Variants in SLC25A22 observed in about 807,000 individuals in gnomAD.
SLC25A22 encodes mitochondrial glutamate carrier 1.
A neutral mutation model predicts 33.7 loss-of-function variants in SLC25A22; 23 were observed. The observed-to-expected ratio is 0.68, with a 90% CI of 0.49 to 0.97. The LOEUF (loss-of-function observed/expected upper bound fraction) is 0.97. Among genes scored for constraint, SLC25A22 ranks in the 50% least tolerant of loss-of-function variants. The probability of loss-of-function intolerance (pLI) is 0.00; values close to 1 mark genes in which losing one functional copy is unlikely to be tolerated. For synonymous variants in SLC25A22, 245 were observed against 203.8 expected (o/e 1.20, Z -1.72); for missense variants, 390 against 451.1 (o/e 0.86, Z 1.23).
Position 795,060 on chromosome 11 carries a change from G to C in SLC25A22, c.-54C>G. 5 of 1,549,768 alleles carry C rather than the reference G, an allele frequency of 3.2e-6. No individual in the cohort carries two copies. Among genetic ancestry groups the C allele is most frequent in the East Asian group, 4.9e-5 (2 of 41,054 alleles). ...GCAGAGGTGGACGCCAGGCCAGGCGGGGTGGAGGTGGAGGTGGAGGAGGCC... is the reference window on the plus strand; with the variant it reads ...GCAGAGGTGGACGCCAGGCCAGGCGCGGTGGAGGTGGAGGTGGAGGAGGCC... On this transcript the variant is annotated 5_prime_UTR_variant, in exon 2 of 10. Transcript: ENST00000628067.
At chr11:793,676 C>G in intron 4 of SLC25A22, 57 bp from the exon 5 acceptor site, 1 of 1,277,526 alleles carries the variant, frequency 7.8e-7, no homozygotes, top group South Asian at 1.2e-5. Context: ...TGGGGAGGCG[C>G]TTGGCCAGGA....
intron 5 of SLC25A22, 52 bp from the exon 6 acceptor site, chr11:793,040 A>G: frequency 6.4e-7 from 1 of 1,552,620 alleles, no homozygotes; most frequent in East Asian, 2.3e-5. Context: ...TCTACCTGCC[A>G]CCCTCGGGGC....
intron 5 of SLC25A22, 195 bp downstream of exon 5, chr11:793,334 A>G: frequency 1.6e-6 from 1 of 641,362 alleles, no homozygotes; most frequent in Non-Finnish European, 2.8e-6. Flanking sequence ...ACCAAGCCAG[A>G]GCCCCACTGA....
Position 794,798 on chromosome 11 carries a change from C to T in SLC25A22, c.124G>A (p.Gly42Ser), listed in dbSNP as rs535927522. ...AKTRLQNQQNGQRVYTSMSDC... is the reference protein window; with the variant it reads ...AKTRLQNQQNSQRVYTSMSDC... ...CACATGCTCGTGTACACGCGCTGGC[C>T]GTTCTGCTGGTTCTGCAGCCTGGTC... Residue 42 changes from glycine (G) to serine (S), a missense_variant, in exon 3 of 10, where the codon GGC (glycine) becomes AGC (serine). Gly to Ser is a moderately conservative substitution (Grantham distance 56, BLOSUM62 0). Transcript: ENST00000628067. 78 of 1,598,200 alleles carry T rather than the reference C, an allele frequency of 4.9e-5. No individual in the cohort carries two copies. Among genetic ancestry groups the T allele is most frequent in the Middle Eastern group, 1.9e-4 (1 of 5,238 alleles).
rs746730027 is a variant in SLC25A22, at chr11:795,022, C to T, written c.-16G>A. ...TATCAGCCATTTAACTCGATTGCAC[C>T]CAGGTAGGAGCCGCAGAGGTGGACG... On this transcript the variant is annotated 5_prime_UTR_variant, in exon 2 of 10. Coordinates refer to ENST00000628067, the MANE Select transcript of SLC25A22 (RefSeq NM_001191061.2). 1 of 1,553,496 alleles carries T rather than the reference C, an allele frequency of 6.4e-7. No homozygotes were observed. Among genetic ancestry groups the T allele is most frequent in the South Asian group, 1.2e-5 (1 of 84,198 alleles).
Position 794,802 on chromosome 11 carries a change from C to T in SLC25A22, c.120G>A (p.Gln40=). ...DLAKTRLQNQ[Q]NGQRVYTSMS... Reference sequence around the variant, plus strand: ...TGCTCGTGTACACGCGCTGGCCGTTCTGCTGGTTCTGCAGCCTGGTCTTGG... The same window carrying T: ...TGCTCGTGTACACGCGCTGGCCGTTTTGCTGGTTCTGCAGCCTGGTCTTGG... The change falls in exon 3 of 10, where the codon CAG becomes CAA. Residue 40 remains glutamine, a synonymous_variant. Transcript: ENST00000628067. 6.3e-7 allele frequency: 1 copy of T among 1,597,678 alleles called. No individual in the cohort carries two copies. The highest frequency in any genetic ancestry group is 1.1e-5 in the South Asian group (1 of 88,272).
At chr11:797,767 A>G (rs902581064) in intron 1 of SLC25A22, 1 of 398,540 alleles carries the variant, frequency 2.5e-6, no homozygotes, top group African/African-American at 2.1e-5. Flanking sequence ...CGGCCAGAGG[A>G]CAAAGGAGAA....
intron 1 of SLC25A22, chr11:796,261 G>A (rs932850593): frequency 1.3e-5 from 2 of 152,184 alleles, no homozygotes; most frequent in Admixed American, 1.3e-4. Flanking sequence ...AAGCTGCCGG[G>A]GGAGGAGGCG....
Position 794,761 on chromosome 11 carries a change from G to T in SLC25A22, c.146+15C>A. ...CATGCTGGGCCCACTCCCCGCGACC[G>T]CCCGGCACACTCACATGCTCGTGTA... On this transcript the variant is annotated intron_variant, in intron 3 of 9. Transcript: ENST00000628067. 6.3e-7 allele frequency: 1 copy of T among 1,595,306 alleles called. No homozygotes were observed.
At chr11:793,724 C>T (rs1864654528) in intron 4 of SLC25A22, 105 bp from the exon 5 acceptor site, 8 of 791,972 alleles carry the variant, frequency 1.0e-5, no homozygotes, top group Non-Finnish European at 1.7e-5. Context: ...CCCAGTCACT[C>T]CTGGCCACCA....
Position 792,026 on chromosome 11 carries a change from G to A in SLC25A22, c.861C>T (p.Gly287=), listed in dbSNP as rs202218399. ...RHEGPSAFLK[G]AYCRALVIAP... is the part of the protein sequence containing the mutation. ...CGATGACCAGCGCGCGGCAGTAGGC[G>A]CCCTTCAGGAAGGCCGAGGGGCCCT... is the stretch of plus-strand genomic sequence containing the variant. The change falls in exon 10 of 10, where the codon GGC becomes GGT. Residue 287 remains glycine, a synonymous_variant. Coordinates refer to ENST00000628067, the MANE Select transcript of SLC25A22 (RefSeq NM_001191061.2). The A allele has an allele frequency of 1.6e-5, 25 of 1,604,444 alleles. No individual in the cohort carries two copies. In the East Asian group the frequency reaches 3.2e-4, roughly 20 times the overall value.
At position 792,195 on chromosome 11, in the gene SLC25A22, T is replaced by A; in HGVS notation, c.765A>T (p.Ser255=). The change falls in exon 9 of 10, where the codon TCA becomes TCT. Residue 255 remains serine (S), a synonymous_variant. Coordinates refer to ENST00000628067, the MANE Select transcript of SLC25A22 (RefSeq NM_001191061.2). ...PCDVVKTRLQ[S]LQRGVNEDTY... ...TGTCCTCGTTGACGCCTCGCTGAAG[T>A]GACTGGAGCCGCGTCTTCACCACTG... is the stretch of plus-strand genomic sequence containing the variant. The A allele has an allele frequency of 6.2e-7, 1 of 1,612,836 alleles. No individual in the cohort carries two copies. The highest frequency in any genetic ancestry group is 1.3e-5 in the African/African-American group (1 of 74,982).
rs1864526065 is a variant in SLC25A22, at chr11:791,726, ACGGTGCAGGCAGC to A, written c.*176_*188del. 3.0e-5 allele frequency: 21 copies of A among 693,352 alleles called. No individual in the cohort carries two copies. The highest frequency in any genetic ancestry group is 5.0e-5 in the Non-Finnish European group (21 of 422,728). 42.9% of individuals were successfully genotyped at this position (693,352 alleles called of 1,614,324 possible). On this transcript the variant is annotated 3_prime_UTR_variant, in exon 10 of 10. Coordinates refer to ENST00000628067, the MANE Select transcript of SLC25A22 (RefSeq NM_001191061.2). The stretch of plus-strand genomic sequence containing the variant: ...CTACATAAATGAGACATTGATCCCA[ACGGTGCAGGCAGC>A]ACCCCGGGGGGCTTGCGTGTGCACC...
intron 1 of SLC25A22, 196 bp from the exon 2 acceptor site, chr11:795,365 A>C (rs1864753042): frequency 2.6e-4 from 62 of 239,302 alleles, no homozygotes; most frequent in South Asian, 3.7e-4. Context: ...GCTTCCTTTC[A>C]GTCCCCCCCT....
At chr11:796,706 C>T (rs940668530) in intron 1 of SLC25A22, among the ~76,000 whole-genome samples, 5 of 152,152 alleles carry the variant, frequency 3.3e-5, no homozygotes, top group Non-Finnish European at 7.4e-5. Context: ...TGCTGGGCCA[C>T]AAAAAAGGCC....
chr11:794,309 T>G, intron 4 of SLC25A22, 149 bp downstream of exon 4: 1 of 939,114 alleles, frequency 1.1e-6, no homozygotes, highest in Non-Finnish European at 1.7e-6. Context: ...CAGTCCCCCC[T>G]GCACAGGCAC....
chr11:795,139 T>C lies in SLC25A22; in HGVS notation c.-133A>G, dbSNP rs1864738139. The stretch of plus-strand genomic sequence containing the variant: ...GGGTGGTGCTCCACCTTCAGGGGAA[T>C]TTCCAGGCGTCAGCAACCGCCACTT... On this transcript the variant is annotated 5_prime_UTR_variant, in exon 2 of 10. Coordinates refer to ENST00000628067, the MANE Select transcript of SLC25A22 (RefSeq NM_001191061.2). The C allele has an allele frequency of 8.7e-7, 1 of 1,143,702 alleles. No individual in the cohort carries two copies. The highest frequency in any genetic ancestry group is 1.3e-6 in the Non-Finnish European group (1 of 790,344). The allele number at this position is 1,143,702 out of a possible 1,614,324, so 70.8% of individuals were successfully genotyped here. A position where few individuals can be genotyped will look rare whatever the true frequency, so the allele number is the denominator to read the frequency against.
At chr11:795,292 CTGAGGG>C in intron 1 of SLC25A22, 123 bp from the exon 2 acceptor site, 1 of 590,716 alleles carries the variant, frequency 1.7e-6, no homozygotes, top group Admixed American at 2.6e-5. Flanking sequence ...TCACTGCGTC[CTGAGGG>C]TGCAGCAGCG....
rs778373047 is a variant in SLC25A22, at chr11:792,917, G to A, written c.365C>T (p.Thr122Met). The A allele has an allele frequency of 5.6e-6, 9 of 1,613,056 alleles. No homozygotes were observed. The highest frequency in any genetic ancestry group is 7.6e-6 in the Non-Finnish European group (9 of 1,179,866). Reference sequence around the variant, plus strand: ...CTGGATCTTCAGCATCTCCATGGGCGTGGTCACGATCACCTGGCAGGTGCC... The same window carrying A: ...CTGGATCTTCAGCATCTCCATGGGCATGGTCACGATCACCTGGCAGGTGCC... ...GAGTCQVIVT[T>M]PMEMLKIQLQ... The change falls in exon 6 of 10, where the codon ACG becomes ATG. Residue 122 changes from threonine (T) to methionine (M), a missense_variant. Physicochemically the swap from Thr to Met is moderately conservative, Grantham distance 81 (BLOSUM62 -1). Transcript: ENST00000628067.
Sources: gnomAD v4.1 joint callset for allele counts (sites outside exome capture counted in the v4.1 genomes callset) on GRCh38, gnomAD v4.1.1 for gene constraint, MANE v1.5 for transcripts, NCBI Gene and HGNC (gene_info 2026-07-23, HGNC 2026-07-21) for gene names.